Variants in ZNRF2 observed in about 807,000 individuals in gnomAD.
ZNRF2 encodes the protein zinc and ring finger 2, also known as E3 ubiquitin-protein ligase ZNRF2.
ZNRF2 carries 16 observed loss-of-function variants against 20.4 expected under a neutral mutation model. That is an observed-to-expected ratio of 0.79 (90% CI 0.53 to 1.19). The LOEUF is 1.19. Ranked by LOEUF, ZNRF2 falls within the 50% of genes most tolerant of loss-of-function variation. The probability of loss-of-function intolerance (pLI) is 0.00; values close to 1 mark genes in which losing one functional copy is unlikely to be tolerated. For synonymous variants in ZNRF2, 178 were observed against 144.9 expected (o/e 1.23, Z -1.64); for missense variants, 363 against 332.4 (o/e 1.09, Z -0.72).
At chr7:30,356,743 T>C (rs1800045779) in intron 3 of ZNRF2, among the ~76,000 whole-genome samples, 1 of 147,914 alleles carries the variant, frequency 6.8e-6, no homozygotes, top group African/African-American at 2.5e-5. Context: ...TCTCGCTCTG[T>C]TGCCCAGGCT....
At chr7:30,321,940 C>G (rs1224516735) in intron 1 of ZNRF2, among the ~76,000 whole-genome samples, 2 of 151,422 alleles carry the variant, frequency 1.3e-5, no homozygotes, top group Non-Finnish European at 2.9e-5. Flanking sequence ...TTTATAGTTT[C>G]ATTTTTAGGG....
At chr7:30,303,414 G>C (rs1156552589) in intron 1 of ZNRF2, among the ~76,000 whole-genome samples, 1 of 152,122 alleles carries the variant, frequency 6.6e-6, no homozygotes, top group Non-Finnish European at 1.5e-5. Flanking sequence ...GTGGGCCTGA[G>C]AATCACCCAG....
At chr7:30,323,084 A>G (rs1799500237) in intron 1 of ZNRF2, among the ~76,000 whole-genome samples, 2 of 152,162 alleles carry the variant, frequency 1.3e-5, no homozygotes, top group Non-Finnish European at 2.9e-5. Context: ...CTTCAGTGCC[A>G]TGGTGTGGCA....
intron 1 of ZNRF2, among the ~76,000 whole-genome samples, chr7:30,316,927 A>C (rs1278793011): frequency 6.6e-6 from 1 of 152,188 alleles, no homozygotes; most frequent in Admixed American, 6.5e-5. Context: ...TTTAGACTCC[A>C]GGCCTTTTGC....
intron 1 of ZNRF2, among the ~76,000 whole-genome samples, chr7:30,321,100 C>T (rs1384294597): frequency 6.6e-6 from 1 of 152,038 alleles, no homozygotes; most frequent in Admixed American, 6.6e-5. Context: ...CTGGTATTCT[C>T]AATTCCGAAT....
intron 4 of ZNRF2, among the ~76,000 whole-genome samples, chr7:30,364,548 G>GT (rs2127958801): frequency 6.6e-6 from 1 of 152,276 alleles, no homozygotes; most frequent in South Asian, 2.1e-4. Flanking sequence ...TAGTGGTGGA[G>GT]TGGTATTTTG....
chr7:30,310,413 G>A (rs1440479841), intron 1 of ZNRF2, among the ~76,000 whole-genome samples: 1 of 152,218 alleles, frequency 6.6e-6, no homozygotes, highest in African/African-American at 2.4e-5. Context: ...CAAATGTCTA[G>A]TAAAGGGCCA....
intron 1 of ZNRF2, among the ~76,000 whole-genome samples, chr7:30,318,255 T>A (rs1799408639): frequency 6.6e-6 from 1 of 152,174 alleles, no homozygotes; most frequent in Non-Finnish European, 1.5e-5. Context: ...TCCAAACATC[T>A]GGCATCTCAT....
chr7:30,339,685 A>G (rs1016711153), intron 2 of ZNRF2, among the ~76,000 whole-genome samples: 1 of 152,142 alleles, frequency 6.6e-6, no homozygotes, highest in Non-Finnish European at 1.5e-5. Flanking sequence ...TACAGTTTGA[A>G]GTCAGGTAGT....
At chr7:30,323,871 GTTC>G in intron 2 of ZNRF2, 134 bp downstream of exon 2, 1 of 528,666 alleles carries the variant, frequency 1.9e-6, no homozygotes, top group Non-Finnish European at 3.1e-6. Flanking sequence ...TAATGCAGTG[GTTC>G]TCAAATTCTG....
chr7:30,344,876 C>G (rs1799853469), intron 2 of ZNRF2, among the ~76,000 whole-genome samples: 1 of 152,064 alleles, frequency 6.6e-6, no homozygotes, highest in Non-Finnish European at 1.5e-5. Flanking sequence ...TGGGTTATAC[C>G]TTCTCTACTT....
intron 2 of ZNRF2, among the ~76,000 whole-genome samples, chr7:30,350,215 T>G (rs1403930875): frequency 6.6e-6 from 1 of 152,084 alleles, no homozygotes; most frequent in Admixed American, 6.6e-5. Flanking sequence ...CATTTTATTT[T>G]AGTTACATTT....
chr7:30,346,517 A>G (rs1799882150), intron 2 of ZNRF2, among the ~76,000 whole-genome samples: 1 of 152,000 alleles, frequency 6.6e-6, no homozygotes, highest in Admixed American at 6.6e-5. Context: ...AACTTGCAGT[A>G]TTGTAGATAA....
chr7:30,337,077 A>T (rs1043170662), intron 2 of ZNRF2, among the ~76,000 whole-genome samples: 2 of 152,058 alleles, frequency 1.3e-5, no homozygotes, highest in Admixed American at 1.3e-4. Flanking sequence ...ATTTTTTCTC[A>T]TTTTTAAAGT....
At chr7:30,299,335 C>T (rs1001710430) in intron 1 of ZNRF2, among the ~76,000 whole-genome samples, 1 of 151,744 alleles carries the variant, frequency 6.6e-6, no homozygotes, top group East Asian at 1.9e-4. Flanking sequence ...AGGAGAATTG[C>T]TTGAACCCGG....
chr7:30,341,791 C>T (rs1275460619), intron 2 of ZNRF2, among the ~76,000 whole-genome samples: 6 of 151,962 alleles, frequency 3.9e-5, no homozygotes, highest in African/African-American at 9.7e-5. Context: ...TTTTCTATCT[C>T]GTTGATCTGT....
chr7:30,360,032 G>A (rs1013042139), intron 3 of ZNRF2, among the ~76,000 whole-genome samples: 1 of 152,148 alleles, frequency 6.6e-6, no homozygotes, highest in East Asian at 1.9e-4. Context: ...GGCATATTTG[G>A]TAGATAACCC....
At chr7:30,314,788 AATATATAT>A (rs139581545) in intron 1 of ZNRF2, among the ~76,000 whole-genome samples, 1 of 148,112 alleles carries the variant, frequency 6.8e-6, no homozygotes, top group African/African-American at 2.5e-5. Flanking sequence ...AAATATGGGA[AATATATAT>A]ATATATATGT....
intron 1 of ZNRF2, among the ~76,000 whole-genome samples, chr7:30,311,664 T>C (rs958281959): frequency 6.6e-5 from 10 of 152,186 alleles, no homozygotes; most frequent in African/African-American, 2.4e-4. Flanking sequence ...CTGCTAAGCT[T>C]GAAAATCCTT....
Sources: gnomAD v4.1 joint callset for allele counts (sites outside exome capture counted in the v4.1 genomes callset) on GRCh38, gnomAD v4.1.1 for gene constraint, MANE v1.5 for transcripts, NCBI Gene and HGNC (gene_info 2026-07-23, HGNC 2026-07-21) for gene names.